The following GALNTL6 variants were observed in gnomAD, a reference collection of about 807,000 sequenced individuals.
GALNTL6 encodes the protein polypeptide N-acetylgalactosaminyltransferase like 6.
In GALNTL6, 46 loss-of-function variants were observed where a neutral mutation model predicts 73.7. The observed-to-expected ratio is 0.62, with a 90% CI of 0.49 to 0.80. The LOEUF is 0.80. GALNTL6 is among the 30% of genes least tolerant of loss of function. The probability of loss-of-function intolerance (pLI) is 0.00; values close to 1 mark genes in which losing one functional copy is unlikely to be tolerated. For synonymous variants in GALNTL6, 259 were observed against 263.7 expected (o/e 0.98, Z 0.17); for missense variants, 604 against 755.0 (o/e 0.80, Z 2.34).
intron 5 of GALNTL6, among the ~76,000 whole-genome samples, chr4:172,470,568 C>A (rs144479712): frequency 4.6e-5 from 7 of 152,048 alleles, no homozygotes; most frequent in Non-Finnish European, 1.0e-4. Context: ...TAAGAAGTGC[C>A]AGTATATTGT....
chr4:171,941,504 G>A (rs1471680937), intron 2 of GALNTL6, among the ~76,000 whole-genome samples: 3 of 152,170 alleles, frequency 2.0e-5, no homozygotes, highest in African/African-American at 7.2e-5. Context: ...GACAGTATGG[G>A]ACACGTTAAA....
At chr4:172,226,298 G>A (rs1188083523) in intron 2 of GALNTL6, among the ~76,000 whole-genome samples, 1 of 151,922 alleles carries the variant, frequency 6.6e-6, no homozygotes, top group Non-Finnish European at 1.5e-5. Context: ...CTATTTAACT[G>A]TCTTATTCCA....
chr4:172,882,231 AT>A (rs1339147380), intron 7 of GALNTL6, among the ~76,000 whole-genome samples: 2 of 152,172 alleles, frequency 1.3e-5, no homozygotes, highest in African/African-American at 4.8e-5. Flanking sequence ...CTTAGTTTAA[AT>A]TTCAACTTTG....
chr4:172,827,034 T>C (rs891379599), intron 7 of GALNTL6, among the ~76,000 whole-genome samples: 54 of 152,154 alleles, frequency 3.5e-4, no homozygotes, highest in African/African-American at 1.3e-3. Context: ...TAGTTTCAGA[T>C]TGGATGCAGC....
intron 5 of GALNTL6, among the ~76,000 whole-genome samples, chr4:172,800,680 T>A (rs1740589217): frequency 6.6e-6 from 1 of 152,172 alleles, no homozygotes; most frequent in African/African-American, 2.4e-5. Flanking sequence ...TACTGAATGA[T>A]TAAAAATCAG....
intron 5 of GALNTL6, among the ~76,000 whole-genome samples, chr4:172,547,590 G>A (rs890950806): frequency 6.6e-6 from 1 of 152,042 alleles, no homozygotes; most frequent in African/African-American, 2.4e-5. Flanking sequence ...GAGTAACTCA[G>A]CAACCTTTAG....
chr4:172,710,899 T>C (rs1319028645), intron 5 of GALNTL6, among the ~76,000 whole-genome samples: 1 of 152,148 alleles, frequency 6.6e-6, no homozygotes, highest in African/African-American at 2.4e-5. Flanking sequence ...TCAACAATTA[T>C]TGAACATTCA....
At chr4:172,176,403 T>C (rs374231656) in intron 2 of GALNTL6, among the ~76,000 whole-genome samples, 2 of 149,200 alleles carry the variant, frequency 1.3e-5, no homozygotes, top group East Asian at 4.0e-4. Flanking sequence ...GAAAATAACG[T>C]TTATAGCCAG....
intron 5 of GALNTL6, among the ~76,000 whole-genome samples, chr4:172,397,554 C>CTTATTTAT (rs1213233252): frequency 8.3e-6 from 1 of 120,234 alleles, no homozygotes; most frequent in Non-Finnish European, 1.7e-5. Context: ...AAATAAGTAT[C>CTTATTTAT]TCATTTATTT....
At chr4:172,052,216 C>T (rs139696548) in intron 2 of GALNTL6, among the ~76,000 whole-genome samples, 1 of 152,246 alleles carries the variant, frequency 6.6e-6, no homozygotes, top group Non-Finnish European at 1.5e-5. Flanking sequence ...TTCTTATATC[C>T]CGGTCATGGA....
intron 4 of GALNTL6, among the ~76,000 whole-genome samples, chr4:172,320,337 G>T (rs1388273967): frequency 6.6e-6 from 1 of 152,086 alleles, no homozygotes; most frequent in Non-Finnish European, 1.5e-5. Flanking sequence ...AGGAATGTTG[G>T]CCTTGTCCCC....
intron 5 of GALNTL6, among the ~76,000 whole-genome samples, chr4:172,741,081 A>G (rs2110736951): frequency 1.5e-5 from 1 of 64,616 alleles, no homozygotes; most frequent in South Asian, 4.7e-4. Flanking sequence ...TGAACACTGA[A>G]TTAGTGAATG....
intron 8 of GALNTL6, among the ~76,000 whole-genome samples, chr4:172,884,825 T>G (rs1260250643): frequency 7.9e-5 from 12 of 152,212 alleles, no homozygotes; most frequent in Admixed American, 7.9e-4. Context: ...TCTAATTTCA[T>G]TTTTCTTCAC....
intron 4 of GALNTL6, among the ~76,000 whole-genome samples, chr4:172,315,308 C>T (rs987525794): frequency 1.4e-4 from 22 of 152,078 alleles, no homozygotes; most frequent in East Asian, 1.9e-4. Flanking sequence ...TTGTTGCCCA[C>T]GCTGGAATGC....
intron 2 of GALNTL6, among the ~76,000 whole-genome samples, chr4:171,836,655 C>G (rs905908267): frequency 1.3e-5 from 2 of 152,102 alleles, no homozygotes; most frequent in Non-Finnish European, 2.9e-5. Flanking sequence ...TCGTATCCCA[C>G]AGAAGAGTTT....
chr4:172,736,509 T>C (rs1490782197), intron 5 of GALNTL6, among the ~76,000 whole-genome samples: 1 of 152,186 alleles, frequency 6.6e-6, no homozygotes. Flanking sequence ...TTAACACACA[T>C]GCTTTACAAA....
At chr4:172,402,695 G>A (rs1056371929) in intron 5 of GALNTL6, among the ~76,000 whole-genome samples, 4 of 151,836 alleles carry the variant, frequency 2.6e-5, no homozygotes, top group African/African-American at 4.8e-5. Context: ...TCCTTAACAC[G>A]GTAAGACTAC....
At chr4:172,360,447 CAT>C (rs1375411009) in intron 5 of GALNTL6, among the ~76,000 whole-genome samples, 1 of 151,026 alleles carries the variant, frequency 6.6e-6, no homozygotes, top group African/African-American at 2.4e-5. Context: ...AGAAGTGTCC[CAT>C]AATTCTGTAT....
At chr4:172,135,879 A>G (rs1247607599) in intron 2 of GALNTL6, among the ~76,000 whole-genome samples, 2 of 152,198 alleles carry the variant, frequency 1.3e-5, no homozygotes, top group Admixed American at 1.3e-4. Flanking sequence ...TTGGAAGTTG[A>G]AACACTAGTT....
Sources: gnomAD v4.1 joint callset for allele counts (sites outside exome capture counted in the v4.1 genomes callset) on GRCh38, gnomAD v4.1.1 for gene constraint, MANE v1.5 for transcripts, NCBI Gene and HGNC (gene_info 2026-07-23, HGNC 2026-07-21) for gene names.